Variants in AXDND1 observed in about 807,000 individuals in gnomAD.
AXDND1 encodes the protein axonemal dynein light chain domain containing 1, also known as axonemal dynein light chain domain-containing protein 1.
Under a neutral mutation model 137.5 loss-of-function variants are expected in AXDND1, and 110 were observed. The ratio of observed to expected loss-of-function variants is 0.80; its 90% CI spans 0.69 to 0.94. The LOEUF (loss-of-function observed/expected upper bound fraction) is 0.94, where lower values mean the gene tolerates loss of function less well. AXDND1 is among the 40% of genes least tolerant of loss of function. The pLI is 0.00. For synonymous variants in AXDND1, 414 were observed against 399.7 expected (o/e 1.04, Z -0.43); for missense variants, 1,191 against 1,169.8 (o/e 1.02, Z -0.26).
At chr1:179,518,136 G>T (rs573796496) in intron 21 of AXDND1, among the ~76,000 whole-genome samples, 35 of 152,226 alleles carry the variant, frequency 2.3e-4, no homozygotes, top group Non-Finnish European at 3.8e-4. Flanking sequence ...TCTTTCTATT[G>T]AACTAAATGT....
intron 15 of AXDND1, among the ~76,000 whole-genome samples, chr1:179,435,932 C>G (rs1658085213): frequency 1.3e-5 from 2 of 152,020 alleles, no homozygotes; most frequent in African/African-American, 4.8e-5. Context: ...GTTTTGCAAT[C>G]TATCCATCTG....
chr1:179,375,179 A>G (rs1043443594), intron 4 of AXDND1, among the ~76,000 whole-genome samples: 1 of 151,730 alleles, frequency 6.6e-6, no homozygotes, highest in African/African-American at 2.4e-5. Flanking sequence ...GCTCACTGCA[A>G]CCTCTGCCTC....
intron 15 of AXDND1, among the ~76,000 whole-genome samples, chr1:179,436,648 C>G (rs1238074108): frequency 6.6e-6 from 1 of 152,088 alleles, no homozygotes. Flanking sequence ...AATGAGCACA[C>G]ATGGACACAG....
At chr1:179,376,325 A>G (rs1282811477) in intron 4 of AXDND1, among the ~76,000 whole-genome samples, 1 of 152,216 alleles carries the variant, frequency 6.6e-6, no homozygotes, top group Admixed American at 6.5e-5. Context: ...TCAGCCGTAC[A>G]TGAGTCAGAA....
In AXDND1 at chr1:179,469,306, T is replaced by G. The variant is rs896992069; in HGVS notation, c.1997+665T>G. On this transcript the variant is annotated intron_variant, in intron 17 of 25. Coordinates refer to ENST00000367618, the MANE Select transcript of AXDND1 (RefSeq NM_144696.6). ...TCTAACTTCTTTGACTTAGCATAAT[T>G]TTTTCAAGGTTCATCCATGTTGTGG... Among the ~76,000 whole-genome samples, 8 of 152,166 alleles carry G rather than the reference T, an allele frequency of 5.3e-5. 2 individuals are homozygous for G. The highest frequency in any genetic ancestry group is 5.2e-4 in the Admixed American group (8 of 15,276).
At position 179,509,372 on chromosome 1, in the gene AXDND1, C is replaced by T. The variant is rs771372025; in HGVS notation, c.2465C>T (p.Thr822Ile). ...AAAGGCAGAAAAATTACATTATTGACATATGAAGAAATAGAGCGGCTACTT... is the reference window on the plus strand; with the variant it reads ...AAAGGCAGAAAAATTACATTATTGATATATGAAGAAATAGAGCGGCTACTT... ...NIKGRKITLL[T>I]YEEIERLLEE... The change falls in exon 21 of 26, where the codon ACA becomes ATA. Residue 822 changes from threonine (T) to isoleucine (I), a missense_variant. Coordinates refer to ENST00000367618, the MANE Select transcript of AXDND1 (RefSeq NM_144696.6). 6.2e-7 allele frequency: 1 copy of T among 1,611,326 alleles called. No homozygotes were observed. The highest frequency in any genetic ancestry group is 1.7e-5 in the Admixed American group (1 of 59,928).
At chr1:179,420,298 G>C (rs532783658) in intron 12 of AXDND1, among the ~76,000 whole-genome samples, 1 of 152,270 alleles carries the variant, frequency 6.6e-6, no homozygotes, top group African/African-American at 2.4e-5. Flanking sequence ...AATCCCACTT[G>C]ATCATGGTGA....
intron 21 of AXDND1, among the ~76,000 whole-genome samples, chr1:179,521,687 G>A (rs1321138073): frequency 6.6e-6 from 1 of 150,660 alleles, no homozygotes; most frequent in Non-Finnish European, 1.5e-5. Context: ...ATTTTCTTTA[G>A]TGAAGATATC....
intron 25 of AXDND1, 126 bp downstream of exon 25, chr1:179,535,088 A>G (rs1671407559): frequency 6.5e-6 from 9 of 1,390,176 alleles, no homozygotes; most frequent in Non-Finnish European, 9.0e-6. Context: ...TACTTCTCAT[A>G]GGAATGTGCA....
At position 179,491,608 on chromosome 1, in the gene AXDND1, C is replaced by G; in HGVS notation, c.2162C>G (p.Thr721Ser). The G allele has an allele frequency of 6.2e-7, 1 of 1,613,552 alleles. No homozygotes were observed. The highest frequency in any genetic ancestry group is 8.5e-7 in the Non-Finnish European group (1 of 1,179,542). Residue 721 changes from threonine (T) to serine (S), a missense_variant, in exon 19 of 26, where the codon ACT (threonine) becomes AGT (serine). Transcript: ENST00000367618. ...NLLILMIPNF[T>S]DQDCLLKLEE... ...CTGATTTTAATGATACCCAACTTTA[C>G]TGACCAAGACTGTCTCCTAAAGTTG...
At chr1:179,499,823 C>A (rs1667813556) in intron 20 of AXDND1, among the ~76,000 whole-genome samples, 1 of 152,026 alleles carries the variant, frequency 6.6e-6, no homozygotes, top group South Asian at 2.1e-4. Flanking sequence ...AGGACATTAT[C>A]ACAAACATTT....
chr1:179,458,661 A>G (rs1242732448), intron 16 of AXDND1, among the ~76,000 whole-genome samples: 2 of 152,120 alleles, frequency 1.3e-5, no homozygotes, highest in Admixed American at 6.5e-5. Flanking sequence ...CTGTGTGATC[A>G]TATAAGAGAT....
intron 16 of AXDND1, chr1:179,457,007 C>T (rs1021541769): frequency 5.7e-6 from 9 of 1,566,494 alleles, no homozygotes; most frequent in African/African-American, 2.7e-5. Context: ...TTTAATGCCA[C>T]CAACAAATAT....
intron 15 of AXDND1, 63 bp downstream of exon 15, chr1:179,432,405 C>T (rs1471540954): frequency 1.4e-6 from 2 of 1,465,678 alleles, no homozygotes; most frequent in African/African-American, 2.9e-5. Context: ...GCATTCCGGA[C>T]CTACAACTGA....
chr1:179,551,630 G>A (rs2125766741), intron 25 of AXDND1: 2 of 669,678 alleles, frequency 3.0e-6, no homozygotes, highest in Non-Finnish European at 5.1e-6. Context: ...AGATTAAACT[G>A]TTAATCACAA....
At chr1:179,485,889 G>C (rs1665980242) in intron 18 of AXDND1, among the ~76,000 whole-genome samples, 1 of 151,992 alleles carries the variant, frequency 6.6e-6, no homozygotes, top group Admixed American at 6.6e-5. Context: ...AGGCTGAGGT[G>C]GGTGGATCGA....
intron 12 of AXDND1, among the ~76,000 whole-genome samples, chr1:179,412,552 A>G (rs999306291): frequency 2.6e-5 from 4 of 152,104 alleles, no homozygotes; most frequent in Admixed American, 6.6e-5. Context: ...AGAGAAAGCT[A>G]ATATACTAGA....
chr1:179,396,176 G>GAA (rs71111985), intron 11 of AXDND1, among the ~76,000 whole-genome samples: 5 of 106,010 alleles, frequency 4.7e-5, no homozygotes, highest in African/African-American at 1.1e-4. Context: ...CCCATAAAAA[G>GAA]AAAAAAAAAA....
chr1:179,470,963 G>A (rs959331402), intron 17 of AXDND1, among the ~76,000 whole-genome samples: 1 of 151,922 alleles, frequency 6.6e-6, no homozygotes, highest in African/African-American at 2.4e-5. Context: ...TAAAAAAGTT[G>A]TTGGATTTTG....
Sources: gnomAD v4.1 joint callset for allele counts (sites outside exome capture counted in the v4.1 genomes callset) on GRCh38, gnomAD v4.1.1 for gene constraint, MANE v1.5 for transcripts, NCBI Gene and HGNC (gene_info 2026-07-23, HGNC 2026-07-21) for gene names.